The following ZNF718 variants were observed in gnomAD, a reference collection of about 807,000 sequenced individuals.
ZNF718 encodes zinc finger protein 718.
In ZNF718, 3 loss-of-function variants were observed where a neutral mutation model predicts 2.6. That is an observed-to-expected ratio of 1.16 (90% CI 0.53 to 3.01). The LOEUF (loss-of-function observed/expected upper bound fraction) is 3.01. Among genes scored for constraint, ZNF718 ranks in the 30% most tolerant of loss-of-function variants. The probability of loss-of-function intolerance (pLI) is 0.03; values close to 1 mark genes in which losing one functional copy is unlikely to be tolerated. For missense variants in ZNF718, 468 were observed against 230.0 expected, an observed-to-expected ratio of 2.03 and a Z score of -6.69; for synonymous variants, 135 against 77.9, an observed-to-expected ratio of 1.73 and a Z score of -3.86.
chr4:138,297 C>T (rs1553809713), intron 3 of ZNF718, among the ~76,000 whole-genome samples: 1 of 152,194 alleles, frequency 6.6e-6, no homozygotes, highest in Non-Finnish European at 1.5e-5. Context: ...GCTACACTTT[C>T]CAGCCTCTGG....
At chr4:145,987 A>G (rs1716037351) in intron 3 of ZNF718, among the ~76,000 whole-genome samples, 1 of 151,922 alleles carries the variant, frequency 6.6e-6, no homozygotes, top group African/African-American at 2.4e-5. Context: ...GTTAACAAAT[A>G]TACTGAAGCT....
chr4:150,710 A>G (rs145072381), intron 3 of ZNF718, among the ~76,000 whole-genome samples: 3 of 152,332 alleles, frequency 2.0e-5, no homozygotes, highest in East Asian at 1.9e-4. Context: ...TAATAAACAT[A>G]GGAGTGTAGA....
At chr4:139,145 A>G (rs1331157814) in intron 3 of ZNF718, among the ~76,000 whole-genome samples, 2 of 151,718 alleles carry the variant, frequency 1.3e-5, no homozygotes, top group Non-Finnish European at 2.9e-5. Context: ...CCATTTGTTC[A>G]TTTTTGCGTT....
At chr4:168,083 C>A (rs777304313), downstream of ZNF718, among the ~76,000 whole-genome samples, 1 of 152,024 alleles carries the variant, frequency 6.6e-6, no homozygotes, top group African/African-American at 2.4e-5. Flanking sequence ...TTTTCAAAGG[C>A]CTTTTCTGCA....
rs1300017523 is a variant in ZNF718, at chr4:124,570, G to T, written c.-101G>T. On this transcript the variant is annotated 5_prime_UTR_variant, in exon 1 of 4. Transcript: ENST00000510175. ...CGCTCTGCTCCCGCTCCTTAGGGAAGCCTCGGTGATTCTGCCACAGCCTCA... is the reference window on the plus strand; with the variant it reads ...CGCTCTGCTCCCGCTCCTTAGGGAATCCTCGGTGATTCTGCCACAGCCTCA... 15 of 1,535,270 alleles carry T rather than the reference G, an allele frequency of 9.8e-6. No homozygotes were observed. The highest frequency in any genetic ancestry group is 1.3e-5 in the Non-Finnish European group (15 of 1,122,956).
At chr4:137,169 G>T (rs185367086) in intron 3 of ZNF718, among the ~76,000 whole-genome samples, 1 of 152,054 alleles carries the variant, frequency 6.6e-6, no homozygotes, top group Non-Finnish European at 1.5e-5. Flanking sequence ...GCTTTTTGAG[G>T]CCTCTCTAGA....
At chr4:138,602 A>C (rs1715676889) in intron 3 of ZNF718, among the ~76,000 whole-genome samples, 1 of 152,156 alleles carries the variant, frequency 6.6e-6, no homozygotes, top group Non-Finnish European at 1.5e-5. Context: ...AGCTTCAAAT[A>C]TCTCTCTGAT....
At chr4:180,610 A>G (rs1717444896) in intron 3 of ZNF718, among the ~76,000 whole-genome samples, 2 of 152,232 alleles carry the variant, frequency 1.3e-5, no homozygotes, top group Admixed American at 1.3e-4. Context: ...AGCATTGATG[A>G]TGTAAAGTGA....
chr4:124,757 G>A, intron 1 of ZNF718, 84 bp downstream of exon 1: 9 of 1,564,148 alleles, frequency 5.8e-6, no homozygotes, highest in Non-Finnish European at 7.8e-6. Context: ...AGGAGTCTGT[G>A]AATGGAGTTC....
At chr4:169,111 C>T (rs1237597246), downstream of ZNF718, among the ~76,000 whole-genome samples, 1 of 152,128 alleles carries the variant, frequency 6.6e-6, no homozygotes, top group Non-Finnish European at 1.5e-5. Flanking sequence ...TCATTATGTA[C>T]CCAGTAGTCA....
In ZNF718 at chr4:182,338, A is replaced by G. The variant is rs185587774; in HGVS notation, c.227-18743A>G. ...CCTTACCAGCATCTGTTGTTTTGTG[A>G]CTTTTTTGTTATAGCCATTCTGACT... On this transcript the variant is annotated intron_variant and NMD_transcript_variant, in intron 3 of 4. Coordinates refer to the ZNF718 transcript ENST00000642529. Among the ~76,000 whole-genome samples, 394 of 152,034 alleles carry G rather than the reference A, an allele frequency of 2.6e-3. 2 individuals are homozygous for G. The highest frequency in any genetic ancestry group is 3.7e-3 in the Non-Finnish European group (254 of 67,964).
At chr4:135,106 G>T (rs1715500341) in intron 3 of ZNF718, among the ~76,000 whole-genome samples, 1 of 152,074 alleles carries the variant, frequency 6.6e-6, no homozygotes, top group Non-Finnish European at 1.5e-5. Flanking sequence ...GCTGGGCGTG[G>T]TGGCACGCGC....
rs1581421868 is a variant in ZNF718 at position 132,856 on chromosome 4, G to A, written c.226+1351G>A. Among the ~76,000 whole-genome samples, 2 of 101,522 alleles carry A rather than the reference G, an allele frequency of 2.0e-5. 1 individual carries two copies. The highest frequency in any genetic ancestry group is 1.1e-3 in the East Asian group (2 of 1,846). The allele number at this position is 101,522 out of a possible 152,430, so 66.6% of individuals were successfully genotyped here. On this transcript the variant is annotated intron_variant, in intron 3 of 3. Transcript: ENST00000510175. The stretch of plus-strand genomic sequence containing the variant: ...CCTTTTGGCTTCCTTGGACCACATT[G>A]GAGGAAAAATTGTCTTGGCCACACA...
Position 161,575 on chromosome 4 carries a change from C to G in ZNF718, c.890C>G (p.Ser297Cys). ...ECGKAFKWSS[S>C]LNEHKRIHAG... ...GGTAAAGCCTTTAAGTGGTCCTCAT[C>G]CCTTAATGAACATAAGAGAATTCAT... The change falls in exon 4 of 4, where the codon TCC becomes TGC. Residue 297 changes from serine to cysteine, a missense_variant. By Grantham distance (112) the Ser-to-Cys change is moderately radical. Coordinates refer to ENST00000510175, the MANE Select transcript of ZNF718 (RefSeq NM_001039127.6). The G allele has an allele frequency of 1.3e-6, 1 of 780,670 alleles. No individual in the cohort carries two copies. The highest frequency in any genetic ancestry group is 2.4e-6 in the Non-Finnish European group (1 of 417,992). The allele number at this position is 780,670 out of a possible 1,614,324, so 48.4% of individuals were successfully genotyped here.
In ZNF718 at chr4:129,722, A is replaced by C. The variant is rs1324480933; in HGVS notation, c.4-1066A>C. 2.0e-5 allele frequency among the ~76,000 whole-genome samples: 2 copies of C among 101,982 alleles called. 1 individual carries two copies. The highest frequency in any genetic ancestry group is 6.8e-5 in the African/African-American group (2 of 29,226). 66.9% of individuals were successfully genotyped at this position (101,982 alleles called of 152,430 possible). On this transcript the variant is annotated intron_variant, in intron 1 of 3. Transcript: ENST00000510175. ...AAAATTCCTCTGAATTGCACTTAGC[A>C]CTTCCTTTCTGTATCTGTCCCGTCT...
At chr4:149,173 GATTTCAA>G (rs1410616661) in intron 3 of ZNF718, among the ~76,000 whole-genome samples, 2 of 152,132 alleles carry the variant, frequency 1.3e-5, no homozygotes, top group African/African-American at 2.4e-5. Flanking sequence ...CAAATTATCT[GATTTCAA>G]ATTCAAAATT....
intron 3 of ZNF718, among the ~76,000 whole-genome samples, chr4:153,008 C>T: frequency 7.5e-6 from 1 of 133,192 alleles, no homozygotes; most frequent in Non-Finnish European, 1.7e-5. Flanking sequence ...TAAAACATTT[C>T]TCTATGTTTA....
At chr4:135,141 C>A (rs1560109197) in intron 3 of ZNF718, among the ~76,000 whole-genome samples, 2 of 150,748 alleles carry the variant, frequency 1.3e-5, no homozygotes, top group African/African-American at 4.9e-5. Context: ...ACTAGGGAGG[C>A]TGAGGCAGGA....
At chr4:175,684 A>G (rs1717330783) in intron 3 of ZNF718, among the ~76,000 whole-genome samples, 2 of 152,214 alleles carry the variant, frequency 1.3e-5, no homozygotes, top group South Asian at 4.2e-4. Context: ...TAATATTTTG[A>G]TGTTTATATT....
Sources: gnomAD v4.1 joint callset for allele counts (sites outside exome capture counted in the v4.1 genomes callset) on GRCh38, gnomAD v4.1.1 for gene constraint, MANE v1.5 for transcripts, NCBI Gene and HGNC (gene_info 2026-07-23, HGNC 2026-07-21) for gene names.